FER1L5: variants seen among roughly 807,000 people sequenced by gnomAD.
FER1L5 encodes fer-1-like protein 5.
In FER1L5, 187 loss-of-function variants were observed where a neutral mutation model predicts 279.9. The ratio of observed to expected loss-of-function variants is 0.67; its 90% CI spans 0.59 to 0.75. The LOEUF (loss-of-function observed/expected upper bound fraction) is 0.75. Among genes scored for constraint, FER1L5 ranks in the 30% least tolerant of loss-of-function variants. FER1L5 has a pLI of 0.00. For missense variants in FER1L5, 2,091 were observed against 2,594.4 expected, an observed-to-expected ratio of 0.81 and a Z score of 4.21; for synonymous variants, 921 against 989.7, an observed-to-expected ratio of 0.93 and a Z score of 1.30.
At chr2:96,692,041 G>A in intron 30 of FER1L5, 63 bp from the exon 31 acceptor site, 7 of 1,542,552 alleles carry the variant, frequency 4.5e-6, no homozygotes, top group Non-Finnish European at 6.1e-6. Context: ...ACAGGGTGGG[G>A]GCAGTCAGAG....
chr2:96,699,451 T>G, intron 42 of FER1L5, 99 bp from the exon 43 acceptor site: 7 of 1,346,930 alleles, frequency 5.2e-6, no homozygotes, highest in Non-Finnish European at 7.2e-6. Context: ...ACAATCTCCA[T>G]GAACAAACAA....
chr2:96,695,478 C>A (rs772951658), intron 34 of FER1L5, 31 bp from the exon 35 acceptor site: 16 of 1,551,538 alleles, frequency 1.0e-5, no homozygotes, highest in East Asian at 2.4e-5. Context: ...CTGCCTGCCC[C>A]TTGTCCTGCC....
At chr2:96,643,554 T>C (rs2074975983) in intron 1 of FER1L5, among the ~76,000 whole-genome samples, 1 of 151,994 alleles carries the variant, frequency 6.6e-6, no homozygotes, top group Non-Finnish European at 1.5e-5. Flanking sequence ...TTCACCATAT[T>C]GGTCAGGCTG....
At chr2:96,661,264 G>C in intron 10 of FER1L5, 61 bp from the exon 11 acceptor site, 1 of 1,245,014 alleles carries the variant, frequency 8.0e-7, no homozygotes. Flanking sequence ...ACAAAGGCTG[G>C]TTTCAGGGGA....
At chr2:96,668,725 C>A (rs1371257923) in intron 14 of FER1L5, 26 bp from the exon 15 acceptor site, 28 of 1,551,320 alleles carry the variant, frequency 1.8e-5, no homozygotes, top group Non-Finnish European at 2.4e-5. Flanking sequence ...TGTGTACCCA[C>A]CGCACCTCTC....
chr2:96,667,098 C>T (rs2076151440), intron 14 of FER1L5, among the ~76,000 whole-genome samples: 2 of 152,134 alleles, frequency 1.3e-5, no homozygotes, highest in Non-Finnish European at 2.9e-5. Flanking sequence ...CCTGATTCCC[C>T]ATCTCTTTAT....
intron 23 of FER1L5, among the ~76,000 whole-genome samples, chr2:96,686,855 CAAAAAAAAAAAAAAAA>C (rs58724485): frequency 2.4e-5 from 1 of 41,162 alleles, no homozygotes; most frequent in Non-Finnish European, 5.3e-5. Flanking sequence ...GACTCCGTCT[CAAAAAAAAAAAAAAAA>C]AAAAAAAACA....
intron 19 of FER1L5, among the ~76,000 whole-genome samples, chr2:96,676,939 T>C (rs896391980): frequency 3.9e-5 from 6 of 152,316 alleles, no homozygotes; most frequent in African/African-American, 1.4e-4. Flanking sequence ...GTTCCCGGGT[T>C]CAAGTGATAC....
rs550251771 is a variant in FER1L5, at chr2:96,668,952, C to T, written c.1251C>T (p.Thr417=). 10 of 1,551,662 alleles carry T rather than the reference C, an allele frequency of 6.4e-6. No individual in the cohort carries two copies. The highest frequency in any genetic ancestry group is 2.4e-5 in the East Asian group (1 of 40,918). The change falls in exon 16 of 53, where the codon ACC becomes ACT. Residue 417 remains threonine (T), a synonymous_variant. Coordinates refer to ENST00000624922, the MANE Select transcript of FER1L5 (RefSeq NM_001293083.2). The stretch of plus-strand genomic sequence containing the variant: ...TGTCCCTCAACCAGATCTCGTCCAC[C>T]GGAGAAGAGATAGAAGGCAAGCAAA... The part of the protein sequence containing the change: ...ASLSLNQISS[T]GEEIEGVYSG...
In FER1L5 at chr2:96,694,171, G is replaced by T; in HGVS notation, c.3636+99G>T. On this transcript the variant is annotated intron_variant, in intron 33 of 52. Coordinates refer to ENST00000624922, the MANE Select transcript of FER1L5 (RefSeq NM_001293083.2). This position sits in a 1 kb window ranked among gnomAD's most constrained non-coding sequence, Gnocchi z 4.6. ...GGCCAACTCCACCCTGTCAGGAAAT[G>T]CCTGGGGCCCAGGATCCCGAGCTGT... 2 of 1,441,424 alleles carry T rather than the reference G, an allele frequency of 1.4e-6. No individual in the cohort carries two copies. Among genetic ancestry groups the T allele is most frequent in the Admixed American group, 2.4e-5 (1 of 41,592 alleles). 89.3% of individuals were successfully genotyped at this position (1,441,424 alleles called of 1,614,324 possible).
Position 96,703,569 on chromosome 2 carries a change from TAATC to T in FER1L5, c.5741_5744del (p.Ile1914SerfsTer49). ...GAGATTCTGTCAGAGAAGGAAGCCT[TAATC>T]AAGCCAGCCGGGCGAGGCCAGTCGG... On this transcript the variant is annotated frameshift_variant, in exon 51 of 53. Coordinates refer to ENST00000624922, the MANE Select transcript of FER1L5 (RefSeq NM_001293083.2). LOFTEE classifies it high-confidence loss of function. 6.2e-7 allele frequency: 1 copy of T among 1,613,960 alleles called. No individual in the cohort carries two copies. The highest frequency in any genetic ancestry group is 8.5e-7 in the Non-Finnish European group (1 of 1,179,880).
At chr2:96,673,700 A>G (rs1213859084) in intron 19 of FER1L5, among the ~76,000 whole-genome samples, 2 of 152,074 alleles carry the variant, frequency 1.3e-5, no homozygotes, top group Non-Finnish European at 2.9e-5. Context: ...GCACACCTAT[A>G]TTGGGCACTA....
At chr2:96,651,830 A>G in intron 6 of FER1L5, 62 bp from the exon 7 acceptor site, 1 of 1,549,764 alleles carries the variant, frequency 6.5e-7, no homozygotes, top group Non-Finnish European at 8.7e-7. Flanking sequence ...TTCTTATCAG[A>G]ACAATGTTGT....
chr2:96,680,100 G>A (rs1380896500), intron 19 of FER1L5, among the ~76,000 whole-genome samples: 3 of 152,086 alleles, frequency 2.0e-5, no homozygotes, highest in African/African-American at 7.2e-5. Flanking sequence ...CTTGGCTTCG[G>A]TGGCGGTCAC....
At chr2:96,663,895 T>A (rs770851180) in intron 14 of FER1L5, among the ~76,000 whole-genome samples, 9 of 151,890 alleles carry the variant, frequency 5.9e-5, no homozygotes, top group Non-Finnish European at 1.3e-4. Context: ...AGATAAAAAT[T>A]AGTCGGGCGT....
chr2:96,686,143 AGCAGGGCTGGGAGCCAG>A, intron 22 of FER1L5, 26 bp downstream of exon 22: 4 of 1,547,332 alleles, frequency 2.6e-6, no homozygotes, highest in Non-Finnish European at 3.5e-6. Context: ...ACTGGCCTGC[AGCAGGGCTGGGAGCCAG>A]CCGCGCAGGG....
chr2:96,652,247 A>G, intron 7 of FER1L5: 1 of 573,650 alleles, frequency 1.7e-6, no homozygotes, highest in South Asian at 2.0e-5. Flanking sequence ...ATGAATCCGT[A>G]AACAATTACA....
chr2:96,649,157 G>C (rs1211176642), intron 4 of FER1L5, among the ~76,000 whole-genome samples: 1 of 152,096 alleles, frequency 6.6e-6, no homozygotes, highest in Non-Finnish European at 1.5e-5. Context: ...TTAGACACTT[G>C]GGGTGTTCAG....
At position 96,649,684 on chromosome 2, in the gene FER1L5, C is replaced by G; in HGVS notation, c.394+7C>G. 1 of 1,551,500 alleles carries G rather than the reference C, an allele frequency of 6.4e-7. No homozygotes were observed. Among genetic ancestry groups the G allele is most frequent in the Non-Finnish European group, 8.7e-7 (1 of 1,146,902 alleles). Reference sequence around the variant, plus strand: ...CAGGATATTGAGAAGACAGGTATGTCCTTCCCTGGAGCTTACCCTTAAGGG... The same window carrying G: ...CAGGATATTGAGAAGACAGGTATGTGCTTCCCTGGAGCTTACCCTTAAGGG... On this transcript the variant is annotated splice_region_variant and intron_variant, in intron 5 of 52. Transcript: ENST00000624922.
Sources: gnomAD v4.1 joint callset for allele counts (sites outside exome capture counted in the v4.1 genomes callset) on GRCh38, gnomAD v4.1.1 for gene constraint, Gnocchi (gnomAD v3.1) non-coding constraint, MANE v1.5 for transcripts, NCBI Gene and HGNC (gene_info 2026-07-23, HGNC 2026-07-21) for gene names.